The following NRG3 variants were observed in gnomAD, a reference collection of about 807,000 sequenced individuals.
NRG3 encodes the protein pro-neuregulin-3, membrane-bound isoform.
Under a neutral mutation model 66.9 loss-of-function variants are expected in NRG3, and 31 were observed. The ratio of observed to expected loss-of-function variants is 0.46; its 90% CI spans 0.35 to 0.63. The LOEUF (loss-of-function observed/expected upper bound fraction) is 0.63. Among genes scored for constraint, NRG3 ranks in the 20% least tolerant of loss-of-function variants. NRG3 has a pLI of 0.00. For missense variants in NRG3, 910 were observed against 878.9 expected (o/e 1.04, Z -0.45); for synonymous variants, 393 against 359.4 (o/e 1.09, Z -1.06).
chr10:81,892,389 G>A (rs1206707251), intron 1 of NRG3, among the ~76,000 whole-genome samples: 4 of 152,032 alleles, frequency 2.6e-5, no homozygotes, highest in Non-Finnish European at 5.9e-5. Context: ...TTATTTGAAA[G>A]TATAAATAAA....
At chr10:82,377,396 TGAGA>T (rs2085310455) in intron 2 of NRG3, among the ~76,000 whole-genome samples, 2 of 151,426 alleles carry the variant, frequency 1.3e-5, no homozygotes, top group Non-Finnish European at 2.9e-5. Flanking sequence ...GTAAGTAATC[TGAGA>T]GAAAGAGAGA....
intron 1 of NRG3, among the ~76,000 whole-genome samples, chr10:81,936,119 T>C (rs1479885431): frequency 3.3e-5 from 5 of 152,042 alleles, no homozygotes; most frequent in African/African-American, 7.3e-5. Flanking sequence ...GCCTATGGAA[T>C]AGAGGGAACA....
intron 1 of NRG3, among the ~76,000 whole-genome samples, chr10:82,313,113 G>A (rs1178490843): frequency 1.3e-5 from 2 of 152,074 alleles, no homozygotes; most frequent in African/African-American, 4.8e-5. Context: ...TAGAGGCAGA[G>A]GTTGCAGTGA....
At chr10:82,949,121 T>G (rs558218544) in intron 4 of NRG3, among the ~76,000 whole-genome samples, 2 of 152,264 alleles carry the variant, frequency 1.3e-5, no homozygotes, top group Admixed American at 1.3e-4. Context: ...TTTGGCTATG[T>G]TTTTGCCTCT....
chr10:82,401,490 A>G (rs891994029), intron 2 of NRG3, among the ~76,000 whole-genome samples: 14 of 152,256 alleles, frequency 9.2e-5, no homozygotes, highest in Non-Finnish European at 1.6e-4. Flanking sequence ...GCAGGATCAC[A>G]GGACAGCTTG....
chr10:82,365,220 G>A (rs2084445282), intron 2 of NRG3, among the ~76,000 whole-genome samples: 2 of 152,164 alleles, frequency 1.3e-5, no homozygotes, highest in African/African-American at 4.8e-5. Flanking sequence ...AAGCAAGTCA[G>A]AATGAAAATG....
At chr10:82,244,579 A>G (rs2134026857) in intron 1 of NRG3, among the ~76,000 whole-genome samples, 1 of 152,252 alleles carries the variant, frequency 6.6e-6, no homozygotes, top group Middle Eastern at 3.4e-3. Context: ...ATTTTGCTTT[A>G]GAAGCGTTCT....
chr10:82,254,027 A>G (rs1390521413), intron 1 of NRG3, among the ~76,000 whole-genome samples: 1 of 152,170 alleles, frequency 6.6e-6, no homozygotes, highest in Admixed American at 6.6e-5. Context: ...TCACATTCAC[A>G]GTTTTTCACG....
intron 4 of NRG3, among the ~76,000 whole-genome samples, chr10:82,924,981 G>T (rs1846836803): frequency 6.6e-6 from 1 of 152,144 alleles, no homozygotes; most frequent in African/African-American, 2.4e-5. Flanking sequence ...TTTTTGGAGT[G>T]ATTACTCATC....
chr10:82,917,413 A>G (rs1845945634), intron 4 of NRG3, among the ~76,000 whole-genome samples: 1 of 152,194 alleles, frequency 6.6e-6, no homozygotes, highest in Admixed American at 6.5e-5. Context: ...AATGCCACAC[A>G]AGTCGGGCTT....
intron 2 of NRG3, among the ~76,000 whole-genome samples, chr10:82,575,599 A>G (rs2045979457): frequency 6.6e-6 from 1 of 151,732 alleles, no homozygotes; most frequent in Non-Finnish European, 1.5e-5. Context: ...TGTTCTGATG[A>G]CATCGTTCCT....
chr10:82,933,816 T>C (rs898447523), intron 4 of NRG3, among the ~76,000 whole-genome samples: 2 of 152,216 alleles, frequency 1.3e-5, no homozygotes, highest in Admixed American at 6.5e-5. Context: ...TAGCATGGCA[T>C]ATGATCGTTT....
chr10:82,050,721 A>T (rs892269168), intron 1 of NRG3, among the ~76,000 whole-genome samples: 2 of 149,652 alleles, frequency 1.3e-5, no homozygotes. Context: ...ACCAGGTACC[A>T]CTTTAACCAC....
intron 3 of NRG3, among the ~76,000 whole-genome samples, chr10:82,802,110 C>T (rs1166216397): frequency 3.3e-5 from 5 of 152,094 alleles, no homozygotes; most frequent in East Asian, 1.9e-4. Flanking sequence ...ACTAGAGGTG[C>T]GTAGTATGAG....
At chr10:82,458,691 A>T (rs766792744) in intron 2 of NRG3, among the ~76,000 whole-genome samples, 1 of 152,180 alleles carries the variant, frequency 6.6e-6, no homozygotes, top group Non-Finnish European at 1.5e-5. Context: ...CCCTACTGTG[A>T]TATTTCTAAA....
intron 1 of NRG3, among the ~76,000 whole-genome samples, chr10:82,105,374 G>A (rs2066995521): frequency 6.6e-6 from 1 of 152,150 alleles, no homozygotes; most frequent in South Asian, 2.1e-4. Context: ...CTAGCATCAG[G>A]TATTATAAAT....
intron 2 of NRG3, among the ~76,000 whole-genome samples, chr10:82,727,431 G>A (rs1330180591): frequency 1.3e-5 from 2 of 152,212 alleles, no homozygotes; most frequent in Non-Finnish European, 2.9e-5. Context: ...GACTAAAAGG[G>A]GCCAAGGTAC....
At chr10:82,809,868 T>C (rs1426973041) in intron 3 of NRG3, among the ~76,000 whole-genome samples, 1 of 151,926 alleles carries the variant, frequency 6.6e-6, no homozygotes, top group African/African-American at 2.4e-5. Context: ...TCAATAAAAC[T>C]TCATTATTTT....
At chr10:82,794,172 A>G (rs1173872590) in intron 3 of NRG3, among the ~76,000 whole-genome samples, 1 of 152,138 alleles carries the variant, frequency 6.6e-6, no homozygotes, top group Non-Finnish European at 1.5e-5. Context: ...GGTGCCTCAG[A>G]TAATAAATTA....
Sources: allele counts gnomAD v4.1 joint callset (sites outside exome capture counted in the v4.1 genomes callset), GRCh38; gene constraint gnomAD v4.1.1; transcripts MANE v1.5; gene names NCBI Gene and HGNC (gene_info 2026-07-23, HGNC 2026-07-21).